The following VAV2 variants were observed in gnomAD, a reference collection of about 807,000 sequenced individuals.
VAV2 encodes guanine nucleotide exchange factor VAV2.
Under a neutral mutation model 132.5 loss-of-function variants are expected in VAV2, and 67 were observed. That is an observed-to-expected ratio of 0.51 (90% CI 0.42 to 0.62). The LOEUF is 0.62. Among genes scored for constraint, VAV2 ranks in the 20% least tolerant of loss-of-function variants. The pLI is 0.00. For missense variants in VAV2, 938 were observed against 1,153.6 expected (o/e 0.81, Z 2.71); for synonymous variants, 492 against 443.5 (o/e 1.11, Z -1.37).
chr9:133,901,983 G>A (rs1247138054), intron 2 of VAV2, among the ~76,000 whole-genome samples: 3 of 152,154 alleles, frequency 2.0e-5, no homozygotes, highest in Non-Finnish European at 4.4e-5. Flanking sequence ...CTGCCTTAGT[G>A]GTCTGCACGT....
chr9:133,774,055 T>G (rs375937574), intron 25 of VAV2, among the ~76,000 whole-genome samples: 3 of 152,216 alleles, frequency 2.0e-5, no homozygotes, highest in African/African-American at 7.2e-5. Flanking sequence ...GGCCGATGAC[T>G]GTATTTATCT....
At chr9:133,803,926 G>A (rs921301661) in intron 9 of VAV2, among the ~76,000 whole-genome samples, 2 of 151,668 alleles carry the variant, frequency 1.3e-5, no homozygotes, top group Non-Finnish European at 1.5e-5. Flanking sequence ...AACCCGCCTC[G>A]CCCCACCCCT....
rs1377262935 is a variant in VAV2 at position 133,840,098 on chromosome 9, C to G, written c.381-5758G>C. Among the ~76,000 whole-genome samples, 2 of 152,186 alleles carry G rather than the reference C, an allele frequency of 1.3e-5. No individual in the cohort carries two copies. Among genetic ancestry groups the G allele is most frequent in the Non-Finnish European group, 2.9e-5 (2 of 68,036 alleles). The stretch of plus-strand genomic sequence containing the variant: ...GTGGCGTTGCCTTGCTCGTTAAGAG[C>G]AGGGAATGAGAAGCAGAGAAGGCCA... On this transcript the variant is annotated intron_variant, in intron 3 of 29. Transcript: ENST00000371850. This position sits in a 1 kb window ranked among gnomAD's most constrained non-coding sequence, Gnocchi z 4.5.
At chr9:133,925,380 C>A (rs1226751783) in intron 2 of VAV2, among the ~76,000 whole-genome samples, 1 of 152,118 alleles carries the variant, frequency 6.6e-6, no homozygotes, top group Admixed American at 6.5e-5. Context: ...CTACATCCTG[C>A]TAATTTTTTG....
Position 133,900,054 on chromosome 9 carries a change from C to T in VAV2, c.322-38622G>A, listed in dbSNP as rs1839381021. Among the ~76,000 whole-genome samples, 2 of 150,180 alleles carry T rather than the reference C, an allele frequency of 1.3e-5. 1 individual carries two copies. The highest frequency in any genetic ancestry group is 1.3e-4 in the Admixed American group (2 of 15,082). ...TAAATAAATAAATAAATAAAAATAG[C>T]TGGGCATAGTGGCACATGCCTGTGG... On this transcript the variant is annotated intron_variant, in intron 2 of 29. Coordinates refer to ENST00000371850, the MANE Select transcript of VAV2 (RefSeq NM_001134398.2).
intron 3 of VAV2, chr9:133,861,063 T>C: frequency 1.0e-5 from 3 of 299,924 alleles, no homozygotes; most frequent in Non-Finnish European, 1.9e-5. Context: ...GGTTCTGATG[T>C]GTGGAGAGTG....
intron 16 of VAV2, chr9:133,786,119 A>G: frequency 1.8e-6 from 1 of 562,428 alleles, no homozygotes; most frequent in South Asian, 1.8e-5. Flanking sequence ...CCATACCCTC[A>G]CGTGAGAATA....
intron 23 of VAV2, 27 bp from the exon 24 acceptor site, chr9:133,776,107 C>A (rs773009539): frequency 3.1e-6 from 5 of 1,611,126 alleles, no homozygotes; most frequent in Non-Finnish European, 4.2e-6. Context: ...AGAGTGTTAA[C>A]GGCCCCCCAG....
intron 27 of VAV2, 91 bp downstream of exon 27, chr9:133,770,287 G>A (rs590614): frequency 0.45 from 710,168 of 1,572,698 alleles, 171,088 homozygotes; most frequent in East Asian, 0.95. Flanking sequence ...TCCTGGTCTG[G>A]GTCTGTGAGG....
intron 2 of VAV2, among the ~76,000 whole-genome samples, chr9:133,899,313 T>C (rs1839347602): frequency 6.6e-6 from 1 of 151,652 alleles, no homozygotes; most frequent in Non-Finnish European, 1.5e-5. Context: ...CCCCAGCACT[T>C]TGGGAGGCCG....
Position 133,776,064 on chromosome 9 carries a change from G to A in VAV2, c.1982C>T (p.Pro661Leu), listed in dbSNP as rs145700399. Residue 661 changes from proline to leucine, a missense_variant, in exon 24 of 30, where the codon CCG (proline) becomes CTG (leucine). Physicochemically the swap from Pro to Leu is moderately conservative, Grantham distance 98. Coordinates refer to ENST00000371850, the MANE Select transcript of VAV2 (RefSeq NM_001134398.2). ...PVDGRPPISR[P>L]PSREIDYTAY... ...AGTGTAGTCGATCTCCCGGGATGGC[G>A]GCCGGCTGATGGGCGGCTGGTGGCA... 1,242 of 1,613,228 alleles carry A rather than the reference G, an allele frequency of 7.7e-4. 5 individuals carry two copies. In the African/African-American group the frequency reaches 8.3e-3, roughly 11 times the overall value.
chr9:133,895,204 G>A (rs1839149288), intron 2 of VAV2, among the ~76,000 whole-genome samples: 2 of 152,038 alleles, frequency 1.3e-5, no homozygotes, highest in South Asian at 4.2e-4. Flanking sequence ...ATCAAGGGCT[G>A]GGCTCTATGG....
rs1319723830 is a variant in VAV2 at position 133,926,679 on chromosome 9, A to C, written c.321+12424T>G. The stretch of plus-strand genomic sequence containing the variant: ...AACTGCAGCTCACATCTCGAACCCC[A>C]GCACCTCCTCCAGGAAGCCCTCCTT... On this transcript the variant is annotated intron_variant, in intron 2 of 29. Transcript: ENST00000371850. The surrounding 1 kb of genome is among the most constrained non-coding windows in gnomAD (Gnocchi z 4.3). Among the ~76,000 whole-genome samples, 2 of 152,014 alleles carry C rather than the reference A, an allele frequency of 1.3e-5. No homozygotes were observed. The highest frequency in any genetic ancestry group is 1.3e-4 in the Admixed American group (2 of 15,270).
intron 12 of VAV2, 113 bp downstream of exon 12, chr9:133,795,555 C>T: frequency 1.5e-6 from 2 of 1,341,434 alleles, no homozygotes; most frequent in Non-Finnish European, 2.1e-6. Flanking sequence ...TCCTGCTGTC[C>T]CAGGAAACTG....
chr9:133,986,960 C>T (rs1409458567), intron 1 of VAV2, among the ~76,000 whole-genome samples: 1 of 152,002 alleles, frequency 6.6e-6, no homozygotes, highest in Non-Finnish European at 1.5e-5. Context: ...CCCTTGGAGG[C>T]ACAAAGCCTG....
chr9:133,862,744 C>T (rs1837648545), intron 2 of VAV2, among the ~76,000 whole-genome samples: 1 of 152,358 alleles, frequency 6.6e-6, no homozygotes, highest in South Asian at 2.1e-4. Flanking sequence ...GGCCATCCTG[C>T]GCTGCACATT....
At chr9:133,861,198 G>C in intron 3 of VAV2, 176 bp downstream of exon 3, 65 of 459,170 alleles carry the variant, frequency 1.4e-4, no homozygotes, top group Non-Finnish European at 2.0e-4. Context: ...GAAGCCTCCC[G>C]CCCCCCACAC....
chr9:133,829,606 T>C (rs1424952817), intron 4 of VAV2, among the ~76,000 whole-genome samples: 1 of 152,188 alleles, frequency 6.6e-6, no homozygotes, highest in Admixed American at 6.5e-5. Context: ...ACCCAGATAA[T>C]ATTTTGAATA....
rs140442483 is a variant in VAV2, at chr9:133,941,752, C to T, written c.205-2533G>A. On this transcript the variant is annotated intron_variant, in intron 1 of 29. Transcript: ENST00000371850. ...CCGAGTAGCTGGGATTACAGGCACG[C>T]ACCACCATGCCCAGCTAATTTTTGT... Among the ~76,000 whole-genome samples the T allele has an allele frequency of 4.1e-3, 629 of 152,086 alleles. 4 individuals carry two copies. Among genetic ancestry groups the T allele is most frequent in the African/African-American group, 0.015 (606 of 41,500 alleles).
Sources: allele counts gnomAD v4.1 joint callset (sites outside exome capture counted in the v4.1 genomes callset), GRCh38; gene constraint gnomAD v4.1.1; non-coding constraint Gnocchi (gnomAD v3.1); transcripts MANE v1.5; gene names NCBI Gene and HGNC (gene_info 2026-07-23, HGNC 2026-07-21).